SUCLG1: variants seen among roughly 807,000 people sequenced by gnomAD.
SUCLG1 encodes succinate-CoA ligase GDP/ADP-forming subunit alpha.
A neutral mutation model predicts 37.3 loss-of-function variants in SUCLG1; 26 were observed. The ratio of observed to expected loss-of-function variants is 0.70; its 90% CI spans 0.51 to 0.97. SUCLG1 has a LOEUF of 0.97. Among genes scored for constraint, SUCLG1 ranks in the 50% least tolerant of loss-of-function variants. SUCLG1 has a pLI of 0.00. For missense variants in SUCLG1, 433 were observed against 432.9 expected (o/e 1.00, Z 0.00); for synonymous variants, 163 against 155.6 (o/e 1.05, Z -0.36).
In SUCLG1 at chr2:84,441,780, G is replaced by A. The variant is rs150168298; in HGVS notation, c.319-321C>T. ...CAACATATCATCCACAAATGATGCC[G>A]GGGGTTAAAAATAATTTTTTAAAAC... On this transcript the variant is annotated intron_variant, in intron 3 of 8. Coordinates refer to ENST00000393868, the MANE Select transcript of SUCLG1 (RefSeq NM_003849.4). Among the ~76,000 whole-genome samples, 3 of 152,212 alleles carry A rather than the reference G, an allele frequency of 2.0e-5. No homozygotes were observed. In the East Asian group the frequency reaches 5.8e-4, roughly 29 times the overall value.
chr2:84,459,067 G>T, intron 1 of SUCLG1, 106 bp downstream of exon 1: 2 of 1,189,302 alleles, frequency 1.7e-6, no homozygotes, highest in Non-Finnish European at 2.3e-6. Context: ...CCAGGCCCCC[G>T]CCGAGGTCCA....
intron 5 of SUCLG1, among the ~76,000 whole-genome samples, chr2:84,436,150 G>C (rs1672684593): frequency 6.6e-6 from 1 of 152,194 alleles, no homozygotes; most frequent in South Asian, 2.1e-4. Context: ...GGAGGATCAA[G>C]AAGAGAACAC....
rs1352098517 is a variant in SUCLG1 at position 84,441,264 on chromosome 2, A to G, written c.514T>C (p.Cys172Arg). 10 of 1,614,098 alleles carry G rather than the reference A, an allele frequency of 6.2e-6. No individual in the cohort carries two copies. Among genetic ancestry groups the G allele is most frequent in the Non-Finnish European group, 7.6e-6 (9 of 1,180,004 alleles). The change falls in exon 4 of 9, where the codon TGC becomes CGC. Residue 172 changes from cysteine (C) to arginine (R), a missense_variant. By Grantham distance (180) the Cys-to-Arg change is radical (BLOSUM62 -3). Transcript: ENST00000393868. ...QEKTRLIGPN[C>R]PGVINPGECK... ...GCACTCACATTGATGACTCCAGGGC[A>G]GTTGGGCCCAATTAGCCTTGTCTTT... is the stretch of plus-strand genomic sequence containing the variant.
intron 7 of SUCLG1, among the ~76,000 whole-genome samples, chr2:84,428,799 G>C (rs1344682947): frequency 3.3e-5 from 5 of 152,170 alleles, no homozygotes; most frequent in African/African-American, 1.2e-4. Flanking sequence ...AGTGTAGTCT[G>C]AGCCTATGCC....
chr2:84,444,166 T>A (rs1483533493), intron 2 of SUCLG1, among the ~76,000 whole-genome samples: 1 of 152,182 alleles, frequency 6.6e-6, no homozygotes, highest in Non-Finnish European at 1.5e-5. Flanking sequence ...GGGGCTTGAC[T>A]TCCCCTGGTT....
intron 1 of SUCLG1, among the ~76,000 whole-genome samples, chr2:84,456,979 A>G (rs777062260): frequency 6.6e-6 from 1 of 151,986 alleles, no homozygotes; most frequent in Non-Finnish European, 1.5e-5. Flanking sequence ...CTTTTTTCAT[A>G]AGCTATAAAA....
chr2:84,458,087 A>C (rs72937160), intron 1 of SUCLG1, among the ~76,000 whole-genome samples: 9,055 of 151,804 alleles, frequency 0.06, 598 homozygotes, highest in African/African-American at 0.16. Context: ...TGTTTGTTAC[A>C]TACGAGATGC....
intron 1 of SUCLG1, among the ~76,000 whole-genome samples, chr2:84,457,015 T>C (rs1033573667): frequency 6.6e-6 from 1 of 152,164 alleles, no homozygotes; most frequent in Non-Finnish European, 1.5e-5. Context: ...CATCTACCAG[T>C]GTTCACTTGA....
Position 84,441,393 on chromosome 2 carries a change from T to C in SUCLG1, c.385A>G (p.Ile129Val), listed in dbSNP as rs769028246. 3.1e-6 allele frequency: 5 copies of C among 1,614,084 alleles called. No homozygotes were observed. The African/African-American group carries it at 4.0e-5, about 13-fold the overall frequency. Residue 129 changes from isoleucine (I) to valine (V), a missense_variant, in exon 4 of 9, where the codon ATT (isoleucine) becomes GTT (valine). Coordinates refer to ENST00000393868, the MANE Select transcript of SUCLG1 (RefSeq NM_003849.4). Reference sequence around the variant, plus strand: ...ATTTCTGCCTCAATAGCTTCATTAATGGCAGCAGCAGCAAAAGGCGGAGGA... The same window carrying C: ...ATTTCTGCCTCAATAGCTTCATTAACGGCAGCAGCAGCAAAAGGCGGAGGA... Reference protein sequence around the residue: ...YVPPPFAAAAINEAIEAEIPL... With the variant: ...YVPPPFAAAAVNEAIEAEIPL...
At chr2:84,449,298 A>T (rs896368490) in intron 2 of SUCLG1, among the ~76,000 whole-genome samples, 1 of 152,190 alleles carries the variant, frequency 6.6e-6, no homozygotes, top group Non-Finnish European at 1.5e-5. Flanking sequence ...TACAAAACCT[A>T]AACACAAGAA....
intron 1 of SUCLG1, among the ~76,000 whole-genome samples, chr2:84,458,910 T>C (rs975994106): frequency 3.3e-5 from 5 of 152,162 alleles, no homozygotes; most frequent in Admixed American, 1.3e-4. Flanking sequence ...CTCCCAAATT[T>C]GCAGGGCTCC....
Position 84,441,028 on chromosome 2 carries a change from A to G in SUCLG1, c.589+19T>C, listed in dbSNP as rs756964541. The G allele has an allele frequency of 9.3e-6, 15 of 1,612,628 alleles. No homozygotes were observed. In the South Asian group the frequency reaches 1.4e-4, roughly 15 times the overall value. On this transcript the variant is annotated intron_variant, in intron 5 of 8. Transcript: ENST00000393868. ...GCAAATAACGTTTTAATCTATAAGA[A>G]TGTAACAAACAAACTCACCAATCCT...
intron 7 of SUCLG1, chr2:84,426,613 G>C (rs1017095618): frequency 4.6e-5 from 7 of 151,926 alleles, no homozygotes; most frequent in African/African-American, 1.7e-4. Flanking sequence ...GTTGCAGTGA[G>C]CTGAGATCAT....
In SUCLG1 at chr2:84,430,602, T is replaced by C. The variant is rs189796861; in HGVS notation, c.825+906A>G. On this transcript the variant is annotated intron_variant, in intron 7 of 8. Coordinates refer to ENST00000393868, the MANE Select transcript of SUCLG1 (RefSeq NM_003849.4). ...TGTTTTGTGTAAACCACCCTGTACA[T>C]GATATTATTGGTTCCTTTAACTCTC... Among the ~76,000 whole-genome samples the C allele has an allele frequency of 3.9e-3, 598 of 152,310 alleles. 3 individuals are homozygous for C. The highest frequency in any genetic ancestry group is 6.8e-3 in the Middle Eastern group (2 of 294).
chr2:84,433,712 T>A (rs902710161), intron 5 of SUCLG1: 8 of 444,082 alleles, frequency 1.8e-5, no homozygotes, highest in African/African-American at 1.6e-4. Context: ...TTAAATTACC[T>A]CTTCTGAGAA....
At chr2:84,452,919 GA>G (rs1201974863) in intron 1 of SUCLG1, among the ~76,000 whole-genome samples, 2 of 152,076 alleles carry the variant, frequency 1.3e-5, no homozygotes, top group Admixed American at 6.6e-5. Flanking sequence ...CGGTGAGTTG[GA>G]AAAAGTCAAT....
chr2:84,433,991 T>A (rs541247699), intron 5 of SUCLG1, among the ~76,000 whole-genome samples: 1 of 152,246 alleles, frequency 6.6e-6, no homozygotes, highest in South Asian at 2.1e-4. Flanking sequence ...TGAGAGCTGG[T>A]TCTTGAAAAG....
At chr2:84,439,124 G>A (rs1021483665) in intron 5 of SUCLG1, among the ~76,000 whole-genome samples, 1 of 151,488 alleles carries the variant, frequency 6.6e-6, no homozygotes, top group East Asian at 1.9e-4. Flanking sequence ...TGAAGTCAGC[G>A]AGACCAAGAA....
chr2:84,436,321 A>C (rs528058755), intron 5 of SUCLG1, among the ~76,000 whole-genome samples: 1 of 152,378 alleles, frequency 6.6e-6, no homozygotes, highest in Non-Finnish European at 1.5e-5. Context: ...TTTTATCAAG[A>C]GCAGAAATCC....
Sources: gnomAD v4.1 joint callset for allele counts (sites outside exome capture counted in the v4.1 genomes callset) on GRCh38, gnomAD v4.1.1 for gene constraint, MANE v1.5 for transcripts, NCBI Gene and HGNC (gene_info 2026-07-23, HGNC 2026-07-21) for gene names.